The following GPR176 variants were observed in gnomAD, a reference collection of about 807,000 sequenced individuals.
GPR176 encodes the protein G-protein coupled receptor 176.
In GPR176, 26 loss-of-function variants were observed where a neutral mutation model predicts 35.4. The ratio of observed to expected loss-of-function variants is 0.74; its 90% CI spans 0.54 to 1.02. GPR176 has a LOEUF of 1.02. GPR176 is among the 50% of genes least tolerant of loss of function. GPR176 has a pLI of 0.00. For missense variants in GPR176, 597 were observed against 665.3 expected, an observed-to-expected ratio of 0.90 and a Z score of 1.13; for synonymous variants, 278 against 271.3, an observed-to-expected ratio of 1.02 and a Z score of -0.24.
At chr15:39,849,166 A>G (rs1216980639) in intron 1 of GPR176, among the ~76,000 whole-genome samples, 2 of 152,126 alleles carry the variant, frequency 1.3e-5, no homozygotes, top group Non-Finnish European at 2.9e-5. Context: ...AGACATCAAG[A>G]GCATAATAAC....
In GPR176 at chr15:39,883,226, C is replaced by T. The variant is rs145183911; in HGVS notation, c.172+36629G>A. 1.9e-3 allele frequency among the ~76,000 whole-genome samples: 283 copies of T among 152,084 alleles called. 1 individual carries two copies. Among genetic ancestry groups the T allele is most frequent in the African/African-American group, 5.9e-3 (243 of 41,482 alleles). Reference sequence around the variant, plus strand: ...TATTCTTGACAGACTCTAATTATAACGAAGTATTTTCTATTTTGGTAAAAT... The same window carrying T: ...TATTCTTGACAGACTCTAATTATAATGAAGTATTTTCTATTTTGGTAAAAT... On this transcript the variant is annotated intron_variant, in intron 1 of 2. Coordinates refer to ENST00000561100, the MANE Select transcript of GPR176 (RefSeq NM_007223.3).
At chr15:39,818,559 G>C (rs2140805900) in intron 1 of GPR176, among the ~76,000 whole-genome samples, 1 of 152,320 alleles carries the variant, frequency 6.6e-6, no homozygotes, top group East Asian at 1.9e-4. Flanking sequence ...GCTTCATCCA[G>C]TCAGCTCCTG....
At chr15:39,849,099 G>A (rs2140805216) in intron 1 of GPR176, among the ~76,000 whole-genome samples, 1 of 152,114 alleles carries the variant, frequency 6.6e-6, no homozygotes. Flanking sequence ...GACAAAGAGA[G>A]AGAAGACACA....
intron 1 of GPR176, among the ~76,000 whole-genome samples, chr15:39,842,234 G>T (rs1033251718): frequency 2.0e-5 from 3 of 152,098 alleles, no homozygotes; most frequent in African/African-American, 4.8e-5. Context: ...TTACAAGCAC[G>T]ACAGAAGGCA....
At chr15:39,825,723 T>C (rs1272244954) in intron 1 of GPR176, among the ~76,000 whole-genome samples, 1 of 152,196 alleles carries the variant, frequency 6.6e-6, no homozygotes, top group Non-Finnish European at 1.5e-5. Context: ...CAGCAATATT[T>C]GTAGAGCCTT....
chr15:39,883,690 A>C (rs918396842), intron 1 of GPR176, among the ~76,000 whole-genome samples: 1 of 152,194 alleles, frequency 6.6e-6, no homozygotes, highest in African/African-American at 2.4e-5. Flanking sequence ...TACTCTCTAC[A>C]ATATTCTGTG....
intron 1 of GPR176, among the ~76,000 whole-genome samples, chr15:39,918,699 A>ATATCTACTTCCC: frequency 6.6e-6 from 1 of 152,162 alleles, no homozygotes; most frequent in Admixed American, 6.5e-5. Context: ...AGATATAGCA[A>ATATCTACTTCCC]TAGTAGTATC....
At chr15:39,819,673 A>G (rs1168080725) in intron 1 of GPR176, among the ~76,000 whole-genome samples, 3 of 152,210 alleles carry the variant, frequency 2.0e-5, no homozygotes, top group Non-Finnish European at 4.4e-5. Context: ...TAATTAGTCT[A>G]GTGAACGTAC....
intron 1 of GPR176, among the ~76,000 whole-genome samples, chr15:39,835,105 C>T (rs921388517): frequency 6.6e-6 from 1 of 152,088 alleles, no homozygotes; most frequent in African/African-American, 2.4e-5. Context: ...ACAACCTCTG[C>T]CTCCTGGGTT....
intron 1 of GPR176, among the ~76,000 whole-genome samples, chr15:39,858,825 C>T (rs550856933): frequency 6.6e-6 from 1 of 152,206 alleles, no homozygotes; most frequent in African/African-American, 2.4e-5. Context: ...TGGCTCACTG[C>T]AGCCTCCACC....
intron 1 of GPR176, among the ~76,000 whole-genome samples, chr15:39,913,409 G>A (rs1238119311): frequency 6.6e-6 from 1 of 152,128 alleles, no homozygotes; most frequent in Non-Finnish European, 1.5e-5. Context: ...GATGGGCATG[G>A]TGGCACACAC....
intron 1 of GPR176, 179 bp from the exon 2 acceptor site, chr15:39,807,437 A>G: frequency 1.3e-6 from 1 of 791,352 alleles, no homozygotes; most frequent in Non-Finnish European, 1.9e-6. Context: ...ATTTATGTGA[A>G]ATTATTAAAT....
chr15:39,911,380 GT>G (rs1424885985), intron 1 of GPR176, among the ~76,000 whole-genome samples: 5 of 152,186 alleles, frequency 3.3e-5, no homozygotes, highest in African/African-American at 1.2e-4. Context: ...TAATCTGAAA[GT>G]TTTTCAGTAT....
chr15:39,804,473 A>C (rs1426601056), intron 2 of GPR176, among the ~76,000 whole-genome samples: 1 of 152,204 alleles, frequency 6.6e-6, no homozygotes, highest in Non-Finnish European at 1.5e-5. Context: ...TTTCTGCTGG[A>C]AAGAAAATGA....
At chr15:39,886,306 T>C (rs898320195) in intron 1 of GPR176, among the ~76,000 whole-genome samples, 3 of 151,718 alleles carry the variant, frequency 2.0e-5, no homozygotes, top group Non-Finnish European at 4.4e-5. Flanking sequence ...CAGCAGAGAA[T>C]TTTACAGGTA....
At chr15:39,807,450 C>A in intron 1 of GPR176, 192 bp from the exon 2 acceptor site, 1 of 851,746 alleles carries the variant, frequency 1.2e-6, no homozygotes, top group South Asian at 2.2e-5. Context: ...TATTAAATCA[C>A]ATATCAATAA....
chr15:39,912,319 C>T (rs34823466), intron 1 of GPR176, among the ~76,000 whole-genome samples: 2,315 of 152,124 alleles, frequency 0.015, 43 homozygotes, highest in Non-Finnish European at 0.02. Flanking sequence ...AACTCTCTGA[C>T]AATAAAACTT....
chr15:39,817,715 C>T (rs554225035), intron 1 of GPR176, among the ~76,000 whole-genome samples: 4 of 151,900 alleles, frequency 2.6e-5, no homozygotes, highest in Non-Finnish European at 5.9e-5. Context: ...AGAGAGAGAG[C>T]GAGGGAAAGA....
intron 1 of GPR176, among the ~76,000 whole-genome samples, chr15:39,842,655 A>C (rs757868318): frequency 1.3e-5 from 2 of 152,134 alleles, no homozygotes; most frequent in Non-Finnish European, 2.9e-5. Context: ...CTGGCCATCT[A>C]TGAAGCAGGA....
Sources: gnomAD v4.1 joint callset for allele counts (sites outside exome capture counted in the v4.1 genomes callset) on GRCh38, gnomAD v4.1.1 for gene constraint, MANE v1.5 for transcripts, NCBI Gene and HGNC (gene_info 2026-07-23, HGNC 2026-07-21) for gene names.